The following ACSS3 variants were observed in gnomAD, a reference collection of about 807,000 sequenced individuals.
ACSS3 encodes the protein acyl-CoA synthetase short chain family member 3.
In ACSS3, 64 loss-of-function variants were observed where a neutral mutation model predicts 84.2. The observed-to-expected ratio is 0.76, with a 90% CI of 0.62 to 0.94. The LOEUF (loss-of-function observed/expected upper bound fraction) is 0.94, where lower values mean the gene tolerates loss of function less well. Ranked by LOEUF, ACSS3 falls within the 40% of genes least tolerant of loss-of-function variation. ACSS3 has a pLI of 0.00. For missense variants in ACSS3, 815 were observed against 867.6 expected (o/e 0.94, Z 0.76); for synonymous variants, 317 against 310.1 (o/e 1.02, Z -0.23).
At chr12:81,204,613 T>A (rs769674584) in intron 9 of ACSS3, among the ~76,000 whole-genome samples, 1 of 152,152 alleles carries the variant, frequency 6.6e-6, no homozygotes, top group Non-Finnish European at 1.5e-5. Flanking sequence ...AAAGATAGAA[T>A]ACTCAAATTC....
chr12:81,219,687 G>A (rs1475757035), intron 10 of ACSS3, among the ~76,000 whole-genome samples: 3 of 151,968 alleles, frequency 2.0e-5, no homozygotes, highest in Non-Finnish European at 2.9e-5. Context: ...TTTTTAAAAA[G>A]CTGAACATGT....
intron 7 of ACSS3, among the ~76,000 whole-genome samples, chr12:81,155,268 G>T (rs1253642372): frequency 2.0e-5 from 3 of 152,080 alleles, no homozygotes; most frequent in Non-Finnish European, 4.4e-5. Context: ...TTAGAGTTTA[G>T]CAGGATCATA....
intron 10 of ACSS3, among the ~76,000 whole-genome samples, chr12:81,218,932 T>C (rs1449055553): frequency 1.3e-5 from 2 of 151,626 alleles, no homozygotes; most frequent in Non-Finnish European, 2.9e-5. Flanking sequence ...TTAAATAGTA[T>C]AATAATAAAA....
chr12:81,081,561 C>T (rs1880979819), intron 1 of ACSS3, among the ~76,000 whole-genome samples: 1 of 152,172 alleles, frequency 6.6e-6, no homozygotes, highest in Non-Finnish European at 1.5e-5. Flanking sequence ...CATCCTGCTG[C>T]CTGTCCTGAA....
intron 5 of ACSS3, 155 bp from the exon 6 acceptor site, chr12:81,151,689 A>T (rs1886616514): frequency 1.6e-6 from 1 of 608,152 alleles, no homozygotes; most frequent in Non-Finnish European, 2.7e-6. Context: ...ACCCAAAGAA[A>T]TAATGATTCA....
intron 7 of ACSS3, among the ~76,000 whole-genome samples, chr12:81,172,202 G>A (rs150311727): frequency 2.6e-3 from 361 of 139,332 alleles, no homozygotes; most frequent in African/African-American, 9.5e-3. Context: ...GGAGGCAGAG[G>A]TTGCAGTGAG....
chr12:81,125,236 C>CA (rs1295799521), intron 2 of ACSS3, among the ~76,000 whole-genome samples: 2 of 151,750 alleles, frequency 1.3e-5, no homozygotes, highest in East Asian at 1.9e-4. Flanking sequence ...CAAAACAAAA[C>CA]AAAAAAAATA....
At chr12:81,079,425 G>A (rs369989355) in intron 1 of ACSS3, among the ~76,000 whole-genome samples, 5 of 152,116 alleles carry the variant, frequency 3.3e-5, no homozygotes, top group African/African-American at 1.2e-4. Flanking sequence ...AATGAGATGA[G>A]GGGAATGATA....
At chr12:81,174,706 T>C in intron 7 of ACSS3, 82 bp from the exon 8 acceptor site, 3 of 1,361,026 alleles carry the variant, frequency 2.2e-6, no homozygotes, top group Non-Finnish European at 3.0e-6. Context: ...TTAATATTGT[T>C]GTGTTAAATG....
At chr12:81,123,652 A>G (rs964495455) in intron 2 of ACSS3, among the ~76,000 whole-genome samples, 24 of 151,918 alleles carry the variant, frequency 1.6e-4, no homozygotes, top group Non-Finnish European at 2.9e-4. Flanking sequence ...CCCAGTGTCT[A>G]TCGTTCTCAT....
chr12:81,253,864 ACT>A (rs1367732181), intron 15 of ACSS3, among the ~76,000 whole-genome samples, 194 bp downstream of exon 15: 3 of 152,168 alleles, frequency 2.0e-5, no homozygotes, highest in Non-Finnish European at 1.5e-5. Flanking sequence ...TTGGAAAGAA[ACT>A]CAGATTAGTT....
intron 2 of ACSS3, among the ~76,000 whole-genome samples, chr12:81,122,227 G>A (rs966531700): frequency 9.9e-5 from 15 of 151,948 alleles, no homozygotes; most frequent in Non-Finnish European, 1.9e-4. Context: ...GAGCCACCGC[G>A]CCCAGCCTAT....
At chr12:81,241,648 C>T (rs1250174092) in intron 13 of ACSS3, among the ~76,000 whole-genome samples, 1 of 152,136 alleles carries the variant, frequency 6.6e-6, no homozygotes, top group Non-Finnish European at 1.5e-5. Flanking sequence ...TGAGAAGTGT[C>T]TGTTCATATG....
At chr12:81,084,047 A>G (rs1009082289) in intron 1 of ACSS3, among the ~76,000 whole-genome samples, 1 of 152,144 alleles carries the variant, frequency 6.6e-6, no homozygotes, top group Admixed American at 6.5e-5. Flanking sequence ...GCTGGAACTG[A>G]GCAGCTGCTG....
intron 9 of ACSS3, among the ~76,000 whole-genome samples, chr12:81,207,637 T>C (rs1171491699): frequency 1.3e-5 from 2 of 152,174 alleles, no homozygotes; most frequent in Non-Finnish European, 2.9e-5. Flanking sequence ...TCTTGGCCTG[T>C]AAATAATTCA....
chr12:81,105,430 G>C (rs1355433550), intron 1 of ACSS3, among the ~76,000 whole-genome samples: 1 of 152,178 alleles, frequency 6.6e-6, no homozygotes, highest in Non-Finnish European at 1.5e-5. Context: ...AGAAAAAAAA[G>C]TAAAATCATC....
chr12:81,078,292 A>T lies in ACSS3; in HGVS notation c.172A>T (p.Ser58Cys). 1 of 1,611,912 alleles carries T rather than the reference A, an allele frequency of 6.2e-7. No individual in the cohort carries two copies. The highest frequency in any genetic ancestry group is 8.5e-7 in the Non-Finnish European group (1 of 1,179,916). ...GRGCRALSSG[S>C]GSEYKTHFAA... ...GGGATGCAGGGCACTGTCCTCCGGC[A>T]GTGGCAGCGAGTACAAGACCCACTT... Residue 58 changes from serine (S) to cysteine (C), a missense_variant, in exon 1 of 16, where the codon AGT (serine) becomes TGT (cysteine). Coordinates refer to ENST00000548058, the MANE Select transcript of ACSS3 (RefSeq NM_024560.4).
chr12:81,222,813 C>A (rs917665467), intron 11 of ACSS3, among the ~76,000 whole-genome samples: 1 of 151,882 alleles, frequency 6.6e-6, no homozygotes, highest in Non-Finnish European at 1.5e-5. Flanking sequence ...AAAAAGGAAT[C>A]CTGCAATTTT....
chr12:81,245,635 C>T (rs905594828), intron 13 of ACSS3, among the ~76,000 whole-genome samples: 7 of 152,122 alleles, frequency 4.6e-5, no homozygotes, highest in African/African-American at 1.7e-4. Flanking sequence ...TCATACAGCT[C>T]GGGTTTTACA....
Sources: allele counts gnomAD v4.1 joint callset (sites outside exome capture counted in the v4.1 genomes callset), GRCh38; gene constraint gnomAD v4.1.1; transcripts MANE v1.5; gene names NCBI Gene and HGNC (gene_info 2026-07-23, HGNC 2026-07-21).